Variants in AGBL1 observed in about 807,000 individuals in gnomAD.
AGBL1 encodes the protein AGBL carboxypeptidase 1.
A neutral mutation model predicts 118.9 loss-of-function variants in AGBL1; 130 were observed. The ratio of observed to expected loss-of-function variants is 1.09; its 90% CI spans 0.95 to 1.26. AGBL1 has a LOEUF of 1.26. Ranked by LOEUF, AGBL1 falls within the 50% of genes most tolerant of loss-of-function variation. The probability of loss-of-function intolerance (pLI) is 0.00; values close to 1 mark genes in which losing one functional copy is unlikely to be tolerated. For synonymous variants in AGBL1, 555 were observed against 478.9 expected (o/e 1.16, Z -2.08); for missense variants, 1,584 against 1,298.1 (o/e 1.22, Z -3.38).
At chr15:86,242,114 C>G (rs1024288168) in intron 6 of AGBL1, among the ~76,000 whole-genome samples, 1 of 152,150 alleles carries the variant, frequency 6.6e-6, no homozygotes, top group Non-Finnish European at 1.5e-5. Flanking sequence ...TGTTCTTCTG[C>G]CATGATTGTG....
chr15:86,118,482 A>G (rs1175136156), intron 1 of AGBL1, among the ~76,000 whole-genome samples: 7 of 152,136 alleles, frequency 4.6e-5, no homozygotes, highest in Non-Finnish European at 8.8e-5. Flanking sequence ...TCAAAAAAAA[A>G]AAAGGCAATG....
At chr15:86,304,257 T>G (rs1011644112) in intron 17 of AGBL1, among the ~76,000 whole-genome samples, 1 of 152,186 alleles carries the variant, frequency 6.6e-6, no homozygotes, top group Non-Finnish European at 1.5e-5. Flanking sequence ...TTTCTACTTA[T>G]TGAACACAGC....
rs933642984 is a variant in AGBL1 at position 86,581,582 on chromosome 15, C to A, written c.2994+27045C>A. ...TTTGAAATCTCATTTACCAGTGGCACCCACTGCCAGTTTCCATAACAAATC... is the reference window on the plus strand; with the variant it reads ...TTTGAAATCTCATTTACCAGTGGCAACCACTGCCAGTTTCCATAACAAATC... On this transcript the variant is annotated intron_variant, in intron 21 of 22. Coordinates refer to ENST00000614907, the MANE Select transcript of AGBL1 (RefSeq NM_001386094.1). Among the ~76,000 whole-genome samples, 3 of 152,142 alleles carry A rather than the reference C, an allele frequency of 2.0e-5. No homozygotes were observed. The South Asian group carries it at 6.2e-4, about 31-fold the overall frequency.
chr15:86,354,676 A>G (rs1198537743), intron 17 of AGBL1, among the ~76,000 whole-genome samples: 1 of 152,238 alleles, frequency 6.6e-6, no homozygotes, highest in Non-Finnish European at 1.5e-5. Context: ...TGTGGAGGTC[A>G]GATCATGGTC....
intron 22 of AGBL1, among the ~76,000 whole-genome samples, chr15:86,719,124 T>C (rs1490572635): frequency 1.3e-5 from 2 of 152,048 alleles, no homozygotes; most frequent in Non-Finnish European, 2.9e-5. Flanking sequence ...AGAGCAAATA[T>C]AACAAGAAAA....
intron 5 of AGBL1, among the ~76,000 whole-genome samples, chr15:86,221,648 T>C (rs1313494169): frequency 6.6e-6 from 1 of 152,214 alleles, no homozygotes; most frequent in Admixed American, 6.5e-5. Context: ...TGGCACTGCG[T>C]ATGGGAGATG....
At chr15:86,320,418 A>T (rs2141842053) in intron 17 of AGBL1, among the ~76,000 whole-genome samples, 1 of 152,006 alleles carries the variant, frequency 6.6e-6, no homozygotes, top group African/African-American at 2.4e-5. Flanking sequence ...AATGATTCCT[A>T]CTGGTATAGA....
intron 22 of AGBL1, among the ~76,000 whole-genome samples, chr15:86,878,581 CT>C (rs1338405540): frequency 6.6e-6 from 1 of 151,952 alleles, no homozygotes; most frequent in Non-Finnish European, 1.5e-5. Context: ...TTGTTTCTCT[CT>C]TCTATATCTT....
rs183671839 is a variant in AGBL1 at position 86,138,807 on chromosome 15, C to T, written c.52-3197C>T. On this transcript the variant is annotated intron_variant, in intron 1 of 22. Coordinates refer to ENST00000614907, the MANE Select transcript of AGBL1 (RefSeq NM_001386094.1). ...AACATTTGCACAGCCTTTCCAAAGG[C>T]TTTTATGCCCCTCCTCTTCATAGAA... Among the ~76,000 whole-genome samples the T allele has an allele frequency of 6.6e-5, 10 of 152,274 alleles. No individual in the cohort carries two copies. The East Asian group carries it at 1.7e-3, about 26-fold the overall frequency.
At chr15:86,480,914 T>C (rs1380175501) in intron 18 of AGBL1, among the ~76,000 whole-genome samples, 1 of 152,044 alleles carries the variant, frequency 6.6e-6, no homozygotes, top group Non-Finnish European at 1.5e-5. Context: ...AGGGTTTTGA[T>C]CATCATGCTA....
chr15:86,231,293 T>C (rs2078451430), intron 6 of AGBL1, among the ~76,000 whole-genome samples: 1 of 152,198 alleles, frequency 6.6e-6, no homozygotes, highest in Non-Finnish European at 1.5e-5. Context: ...AATTCCAGGT[T>C]CCTGACTTTA....
At chr15:86,894,351 A>G (rs559765690) in intron 22 of AGBL1, among the ~76,000 whole-genome samples, 1 of 152,280 alleles carries the variant, frequency 6.6e-6, no homozygotes, top group East Asian at 1.9e-4. Flanking sequence ...ACACCCTACT[A>G]TTGCTGAAGT....
chr15:86,257,960 C>T lies in AGBL1; in HGVS notation c.902-4C>T. Reference sequence around the variant, plus strand: ...ACTTATTTCACCTCTTTTTCCCCATCCAGAGGATTTTGAAGATGATGGCGA... The same window carrying T: ...ACTTATTTCACCTCTTTTTCCCCATTCAGAGGATTTTGAAGATGATGGCGA... On this transcript the variant is annotated splice_region_variant and splice_polypyrimidine_tract_variant and intron_variant, in intron 8 of 22. Coordinates refer to ENST00000614907, the MANE Select transcript of AGBL1 (RefSeq NM_001386094.1). The T allele has an allele frequency of 6.2e-7, 1 of 1,612,664 alleles. No homozygotes were observed. The highest frequency in any genetic ancestry group is 8.5e-7 in the Non-Finnish European group (1 of 1,179,500).
At chr15:86,995,633 A>G (rs924570863) in intron 24 of AGBL1, among the ~76,000 whole-genome samples, 13 of 152,214 alleles carry the variant, frequency 8.5e-5, no homozygotes, top group African/African-American at 2.7e-4. Context: ...GTGGTAGAAA[A>G]TTCGCCTGAC....
At chr15:86,340,228 G>A (rs2080440913) in intron 17 of AGBL1, among the ~76,000 whole-genome samples, 1 of 151,934 alleles carries the variant, frequency 6.6e-6, no homozygotes, top group Non-Finnish European at 1.5e-5. Context: ...ATGATATTAT[G>A]AGACTTTGGA....
chr15:86,273,178 G>C (rs1310223820), intron 15 of AGBL1, among the ~76,000 whole-genome samples: 1 of 152,184 alleles, frequency 6.6e-6, no homozygotes, highest in Non-Finnish European at 1.5e-5. Flanking sequence ...CTTGGAATTG[G>C]GGAGTAAGAA....
chr15:87,026,320 C>T (rs2081726232), intron 24 of AGBL1, among the ~76,000 whole-genome samples: 1 of 151,818 alleles, frequency 6.6e-6, no homozygotes, highest in South Asian at 2.1e-4. Flanking sequence ...AACAAACAAT[C>T]CCATGAAAAA....
intron 12 of AGBL1, among the ~76,000 whole-genome samples, chr15:86,266,724 A>C (rs1386844883): frequency 6.6e-6 from 1 of 152,152 alleles, no homozygotes; most frequent in Non-Finnish European, 1.5e-5. Flanking sequence ...AACATGGTGA[A>C]ACTCTGTCTC....
intron 18 of AGBL1, among the ~76,000 whole-genome samples, chr15:86,449,519 T>G (rs2082167311): frequency 6.6e-6 from 1 of 152,228 alleles, no homozygotes; most frequent in Admixed American, 6.5e-5. Context: ...TGCACTTAAC[T>G]AGCTGTGTGG....
Sources: gnomAD v4.1 joint callset for allele counts (sites outside exome capture counted in the v4.1 genomes callset) on GRCh38, gnomAD v4.1.1 for gene constraint, MANE v1.5 for transcripts, NCBI Gene and HGNC (gene_info 2026-07-23, HGNC 2026-07-21) for gene names.